SEMA3A: variants seen among roughly 807,000 people sequenced by gnomAD.
SEMA3A encodes the protein semaphorin-3A.
In SEMA3A, 29 loss-of-function variants were observed where a neutral mutation model predicts 97.9. The ratio of observed to expected loss-of-function variants is 0.30; its 90% CI spans 0.22 to 0.40. The LOEUF is 0.40. SEMA3A is among the 10% of genes least tolerant of loss of function. The pLI is 1.00. For synonymous variants in SEMA3A, 321 were observed against 323.7 expected, an observed-to-expected ratio of 0.99 and a Z score of 0.09; for missense variants, 763 against 951.3, an observed-to-expected ratio of 0.80 and a Z score of 2.60.
At chr7:84,436,845 T>G (rs985003495) in intron 1 of SEMA3A, among the ~76,000 whole-genome samples, 1 of 152,256 alleles carries the variant, frequency 6.6e-6, no homozygotes, top group South Asian at 2.1e-4. Context: ...CACAGTTTCC[T>G]TCATAAATTA....
At chr7:83,991,515 AGT>A (rs1789936321) in intron 12 of SEMA3A, among the ~76,000 whole-genome samples, 1 of 151,184 alleles carries the variant, frequency 6.6e-6, no homozygotes, top group South Asian at 2.1e-4. Flanking sequence ...ATTTATTGAG[AGT>A]TTTTAGCATG....
intron 2 of SEMA3A, among the ~76,000 whole-genome samples, chr7:84,362,170 A>G (rs1299253865): frequency 6.6e-6 from 1 of 151,910 alleles, no homozygotes; most frequent in Non-Finnish European, 1.5e-5. Flanking sequence ...ACTTGAGAAC[A>G]GGAGTTTAAG....
chr7:84,002,124 T>C, intron 11 of SEMA3A, 78 bp from the exon 12 acceptor site: 1 of 808,788 alleles, frequency 1.2e-6, no homozygotes, highest in South Asian at 1.7e-5. Context: ...GAAATATGTA[T>C]TTGTCAGACA....
intron 3 of SEMA3A, among the ~76,000 whole-genome samples, chr7:84,304,012 C>CAT (rs543540420): frequency 3.9e-5 from 6 of 152,164 alleles, no homozygotes; most frequent in Admixed American, 3.9e-4. Flanking sequence ...ATTCACTGGC[C>CAT]ATATTTCCAT....
At chr7:84,260,402 C>T (rs78592061) in intron 3 of SEMA3A, among the ~76,000 whole-genome samples, 4,273 of 152,160 alleles carry the variant, frequency 0.028, 207 homozygotes, top group African/African-American at 0.097. Flanking sequence ...GAGCCCCACC[C>T]GCCACCAAGT....
intron 1 of SEMA3A, among the ~76,000 whole-genome samples, chr7:84,173,924 T>C (rs2116214030): frequency 6.6e-6 from 1 of 152,282 alleles, no homozygotes; most frequent in South Asian, 2.1e-4. Flanking sequence ...CTAGGTTGCA[T>C]GCTCCTTACG....
intron 4 of SEMA3A, among the ~76,000 whole-genome samples, chr7:84,105,255 TAACTC>T (rs1795074424): frequency 6.6e-6 from 1 of 152,136 alleles, no homozygotes; most frequent in Non-Finnish European, 1.5e-5. Context: ...TTGAAAGAAG[TAACTC>T]AACTAGAATG....
At chr7:84,456,846 C>T (rs758765612) in intron 1 of SEMA3A, among the ~76,000 whole-genome samples, 2 of 151,636 alleles carry the variant, frequency 1.3e-5, no homozygotes, top group Non-Finnish European at 3.0e-5. Context: ...ACCCTTTTAA[C>T]CTTTGAGCAA....
chr7:84,418,066 A>G (rs1804482801), intron 1 of SEMA3A, among the ~76,000 whole-genome samples: 1 of 152,118 alleles, frequency 6.6e-6, no homozygotes, highest in African/African-American at 2.4e-5. Flanking sequence ...GGTGGCTGGT[A>G]AAGTTTTGTT....
upstream of SEMA3A, among the ~76,000 whole-genome samples, chr7:84,197,902 G>C (rs1236728657): frequency 2.0e-5 from 3 of 151,898 alleles, no homozygotes; most frequent in Non-Finnish European, 4.4e-5. Context: ...GCCACGCCCA[G>C]CTAATTTTTT....
chr7:84,132,139 T>C (rs1795980953), intron 2 of SEMA3A, among the ~76,000 whole-genome samples: 1 of 152,154 alleles, frequency 6.6e-6, no homozygotes, highest in Non-Finnish European at 1.5e-5. Context: ...TAAATTGGGT[T>C]CATTTGTATA....
intron 2 of SEMA3A, among the ~76,000 whole-genome samples, chr7:84,364,810 T>C (rs1314856065): frequency 6.7e-6 from 1 of 148,838 alleles, no homozygotes; most frequent in Non-Finnish European, 1.5e-5. Context: ...CCTGAGGCCG[T>C]AGAGAGACTG....
chr7:84,270,831 G>T (rs941191157), intron 3 of SEMA3A, among the ~76,000 whole-genome samples: 1 of 151,594 alleles, frequency 6.6e-6, no homozygotes, highest in African/African-American at 2.4e-5. Context: ...AAAAATAGAA[G>T]CACAATTTAT....
chr7:84,250,940 C>A (rs111251570), intron 3 of SEMA3A, among the ~76,000 whole-genome samples: 3 of 152,032 alleles, frequency 2.0e-5, no homozygotes, highest in African/African-American at 7.2e-5. Context: ...ACAAAGTATG[C>A]GTATGTCCAG....
intron 2 of SEMA3A, among the ~76,000 whole-genome samples, chr7:84,308,775 C>G (rs1260990046): frequency 6.6e-6 from 1 of 151,786 alleles, no homozygotes; most frequent in Non-Finnish European, 1.5e-5. Context: ...ATCCCAATCC[C>G]ATTCTCAGTG....
rs551381657 is a variant in SEMA3A, at chr7:84,348,922, T to C, written c.-169+22902A>G. ...TCGCTTGAAACCGGGTGGCGGAGGT[T>C]GAAGTAAGCCAACACTGCCTCACTG... On this transcript the variant is annotated intron_variant, in intron 2 of 3. Coordinates refer to the SEMA3A transcript ENST00000424555. Among the ~76,000 whole-genome samples, 4 of 152,162 alleles carry C rather than the reference T, an allele frequency of 2.6e-5. No homozygotes were observed. The East Asian group carries it at 5.8e-4, about 22-fold the overall frequency.
Position 84,445,314 on chromosome 7 carries a change from A to G in SEMA3A, c.-246+47146T>C, listed in dbSNP as rs974053159. Among the ~76,000 whole-genome samples the G allele has an allele frequency of 6.6e-5, 10 of 151,218 alleles. 2 individuals carry two copies. The highest frequency in any genetic ancestry group is 6.6e-5 in the Admixed American group (1 of 15,144). ...AGGCCATCCTGGCTAACATGGTGAA[A>G]CCCTGTCTCTACTAAAAAATACAAC... On this transcript the variant is annotated intron_variant, in intron 1 of 3. Coordinates refer to the SEMA3A transcript ENST00000424555.
intron 3 of SEMA3A, among the ~76,000 whole-genome samples, chr7:84,304,634 A>G (rs996962655): frequency 5.9e-5 from 9 of 152,106 alleles, no homozygotes; most frequent in Admixed American, 2.0e-4. Context: ...TCAATGAGAA[A>G]ATGAAATTAG....
At chr7:83,972,041 G>GTA (rs777117451) in intron 15 of SEMA3A, among the ~76,000 whole-genome samples, 32 of 151,270 alleles carry the variant, frequency 2.1e-4, no homozygotes, top group African/African-American at 7.3e-4. Flanking sequence ...GTGTATGGAT[G>GTA]TATATATATA....
Sources: gnomAD v4.1 joint callset for allele counts (sites outside exome capture counted in the v4.1 genomes callset) on GRCh38, gnomAD v4.1.1 for gene constraint, MANE v1.5 for transcripts, NCBI Gene and HGNC (gene_info 2026-07-23, HGNC 2026-07-21) for gene names.